Variants in FARS2 observed in about 807,000 individuals in gnomAD.
FARS2 encodes phenylalanine--tRNA ligase, mitochondrial.
FARS2 carries 40 observed loss-of-function variants against 46.4 expected under a neutral mutation model. The observed-to-expected ratio is 0.86, with a 90% CI of 0.67 to 1.12. The LOEUF (loss-of-function observed/expected upper bound fraction) is 1.12, where lower values mean the gene tolerates loss of function less well. FARS2 is among the 50% of genes most tolerant of loss of function. The pLI, the probability that FARS2 is intolerant of heterozygous loss-of-function variation, is 0.00. For synonymous variants in FARS2, 234 were observed against 214.9 expected, an observed-to-expected ratio of 1.09 and a Z score of -0.78; for missense variants, 513 against 567.9, an observed-to-expected ratio of 0.90 and a Z score of 0.98.
At chr6:5,360,835 A>T (rs555474289) in intron 1 of FARS2, among the ~76,000 whole-genome samples, 1 of 152,320 alleles carries the variant, frequency 6.6e-6, no homozygotes, top group South Asian at 2.1e-4. Flanking sequence ...ATGTTAGTAG[A>T]AGGAGAATGT....
intron 1 of FARS2, among the ~76,000 whole-genome samples, chr6:5,291,747 C>T (rs535411881): frequency 6.7e-6 from 1 of 150,174 alleles, no homozygotes; most frequent in South Asian, 2.1e-4. Flanking sequence ...AACAGCAAGA[C>T]CCATCTCTTA....
chr6:5,361,153 A>G (rs995699666), intron 1 of FARS2, among the ~76,000 whole-genome samples: 4 of 152,164 alleles, frequency 2.6e-5, no homozygotes, highest in Admixed American at 1.3e-4. Flanking sequence ...AGGTAGGTGT[A>G]TATTTATAGA....
intron 4 of FARS2, among the ~76,000 whole-genome samples, chr6:5,487,605 G>T (rs888626186): frequency 1.3e-5 from 2 of 152,112 alleles, no homozygotes; most frequent in Non-Finnish European, 2.9e-5. Context: ...TCAGTCAGTG[G>T]CAGAGCCAGA....
intron 1 of FARS2, among the ~76,000 whole-genome samples, chr6:5,294,673 T>C (rs77989145): frequency 2.0e-5 from 3 of 152,092 alleles, no homozygotes; most frequent in African/African-American, 4.8e-5. Flanking sequence ...GGAAAACTTA[T>C]GATTACTGGT....
intron 6 of FARS2, among the ~76,000 whole-genome samples, chr6:5,651,460 A>G (rs1225476556): frequency 2.0e-5 from 3 of 152,222 alleles, no homozygotes; most frequent in African/African-American, 4.8e-5. Context: ...TGGAGATGAT[A>G]AAAGCAAGGT....
intron 1 of FARS2, among the ~76,000 whole-genome samples, chr6:5,289,561 G>A (rs1288131102): frequency 2.0e-5 from 3 of 152,146 alleles, no homozygotes; most frequent in Admixed American, 2.0e-4. Context: ...GATTGGTTGC[G>A]GAAAGGGACT....
At chr6:5,475,107 A>T (rs1766044523) in intron 4 of FARS2, among the ~76,000 whole-genome samples, 2 of 152,178 alleles carry the variant, frequency 1.3e-5, no homozygotes, top group East Asian at 3.9e-4. Context: ...AAACTAAATG[A>T]AAGGATATGA....
Position 5,684,452 on chromosome 6 carries a change from T to C in FARS2, c.1217+71132T>C, listed in dbSNP as rs115284433. Among the ~76,000 whole-genome samples, 1,241 of 152,330 alleles carry C rather than the reference T, an allele frequency of 8.1e-3. 20 individuals are homozygous for C. The highest frequency in any genetic ancestry group is 0.029 in the African/African-American group (1,196 of 41,566). On this transcript the variant is annotated intron_variant, in intron 6 of 6. Coordinates refer to ENST00000274680, the MANE Select transcript of FARS2 (RefSeq NM_006567.5). ...AAAATTAAACTGGCATGTCATTCTC[T>C]GAGGATTTCTGCCAACTAAGGTGAT...
chr6:5,279,374 CAAAAAAAAAAAAAGAA>C (rs1342991705), intron 1 of FARS2, among the ~76,000 whole-genome samples: 1 of 100,674 alleles, frequency 9.9e-6, no homozygotes, highest in Admixed American at 1.1e-4. Flanking sequence ...GACTCCCTCT[CAAAAAAAAAAAAAGAA>C]AAAGAAAAAG....
At chr6:5,709,561 A>C (rs1278353554) in intron 6 of FARS2, among the ~76,000 whole-genome samples, 1 of 152,164 alleles carries the variant, frequency 6.6e-6, no homozygotes, top group Admixed American at 6.5e-5. Context: ...AATGGTTTGC[A>C]CATCTTTAAA....
At chr6:5,493,495 G>A (rs914021270) in intron 4 of FARS2, among the ~76,000 whole-genome samples, 4 of 152,064 alleles carry the variant, frequency 2.6e-5, no homozygotes, top group Admixed American at 1.3e-4. Flanking sequence ...GCAGTGTATC[G>A]ACCTCCAAGA....
intron 5 of FARS2, among the ~76,000 whole-genome samples, chr6:5,547,829 G>A (rs1314644497): frequency 3.3e-5 from 5 of 152,186 alleles, no homozygotes; most frequent in Non-Finnish European, 5.9e-5. Context: ...CGCCCCAGTG[G>A]CGACAGCAGC....
chr6:5,352,360 A>AT (rs964227611), intron 1 of FARS2, among the ~76,000 whole-genome samples: 1 of 150,736 alleles, frequency 6.6e-6, no homozygotes, highest in African/African-American at 2.4e-5. Flanking sequence ...ATGAGCATTG[A>AT]TTTTTTTCTG....
At chr6:5,250,530 A>AT in the FARS2 span, among the ~76,000 whole-genome samples, 1 of 151,812 alleles carries the variant, frequency 6.6e-6, no homozygotes, top group Admixed American at 6.5e-5. Context: ...AGAGAAAAAA[A>AT]TGTTTTTTGG....
chr6:5,491,070 C>G (rs961771346), intron 4 of FARS2, among the ~76,000 whole-genome samples: 3 of 152,204 alleles, frequency 2.0e-5, no homozygotes, highest in Non-Finnish European at 4.4e-5. Flanking sequence ...AGAGTTCCAT[C>G]TTCTCCATAC....
chr6:5,296,848 A>T (rs1342429105), intron 1 of FARS2, among the ~76,000 whole-genome samples: 1 of 152,182 alleles, frequency 6.6e-6, no homozygotes, highest in Non-Finnish European at 1.5e-5. Flanking sequence ...GGTTGCTTCT[A>T]CCTTTCGGCT....
At position 5,691,593 on chromosome 6, in the gene FARS2, G is replaced by T. The variant is rs552592230; in HGVS notation, c.1217+78273G>T. 4.2e-4 allele frequency among the ~76,000 whole-genome samples: 64 copies of T among 152,296 alleles called. 3 individuals are homozygous for T. The highest frequency in any genetic ancestry group is 1.5e-3 in the African/African-American group (63 of 41,568). On this transcript the variant is annotated intron_variant, in intron 6 of 6. Coordinates refer to ENST00000274680, the MANE Select transcript of FARS2 (RefSeq NM_006567.5). ...ACCCGGCCGTGTGAGGTGTCAGTCTGCCCCTACTGGGGGATGCCTCCCAGT... is the reference window on the plus strand; with the variant it reads ...ACCCGGCCGTGTGAGGTGTCAGTCTTCCCCTACTGGGGGATGCCTCCCAGT...
At chr6:5,583,385 G>C (rs930257319) in intron 5 of FARS2, among the ~76,000 whole-genome samples, 1 of 152,196 alleles carries the variant, frequency 6.6e-6, no homozygotes, top group African/African-American at 2.4e-5. Flanking sequence ...ACATGCTTAA[G>C]TGTTCTCTGC....
chr6:5,626,512 T>C (rs1009518865), intron 6 of FARS2, among the ~76,000 whole-genome samples: 2 of 152,188 alleles, frequency 1.3e-5, no homozygotes, highest in African/African-American at 4.8e-5. Context: ...GTTTCCCCAC[T>C]GTCAACTTGT....
Sources: allele counts gnomAD v4.1 joint callset (sites outside exome capture counted in the v4.1 genomes callset), GRCh38; gene constraint gnomAD v4.1.1; transcripts MANE v1.5; gene names NCBI Gene and HGNC (gene_info 2026-07-23, HGNC 2026-07-21).